EPHA6: variants seen among roughly 807,000 people sequenced by gnomAD.
EPHA6 encodes the protein EPH receptor A6, also known as ephrin type-A receptor 6.
Under a neutral mutation model 112.0 loss-of-function variants are expected in EPHA6, and 50 were observed. That is an observed-to-expected ratio of 0.45 (90% CI 0.36 to 0.56). The LOEUF (loss-of-function observed/expected upper bound fraction) is 0.56, where lower values mean the gene tolerates loss of function less well. Among genes scored for constraint, EPHA6 ranks in the 20% least tolerant of loss-of-function variants. EPHA6 has a pLI of 0.00. For missense variants in EPHA6, 1,280 were observed against 1,417.4 expected, an observed-to-expected ratio of 0.90 and a Z score of 1.56; for synonymous variants, 529 against 490.7, an observed-to-expected ratio of 1.08 and a Z score of -1.03.
rs908570879 is a variant in EPHA6, at chr3:97,610,982, C to T, written c.2574+128C>T. On this transcript the variant is annotated intron_variant, in intron 13 of 17. Transcript: ENST00000389672. ...TCTGTGAAGAATAGCAGTGTTTTCT[C>T]TAGGGTGCATTTCCCTGATACTGTG... 2.0e-5 allele frequency: 15 copies of T among 749,584 alleles called. No homozygotes were observed. The Middle Eastern group carries it at 1.0e-3, about 52-fold the overall frequency. 46.4% of individuals were successfully genotyped at this position (749,584 alleles called of 1,614,324 possible).
At chr3:97,141,856 CAAA>C (rs113458016) in intron 3 of EPHA6, among the ~76,000 whole-genome samples, 3 of 151,798 alleles carry the variant, frequency 2.0e-5, no homozygotes, top group African/African-American at 7.3e-5. Context: ...GAGATTGAGA[CAAA>C]AAACAAGAAA....
At chr3:97,358,696 T>C (rs140057341) in intron 5 of EPHA6, among the ~76,000 whole-genome samples, 23 of 152,244 alleles carry the variant, frequency 1.5e-4, no homozygotes, top group Admixed American at 5.2e-4. Context: ...TAATGTCTTT[T>C]CATTTTACCC....
intron 9 of EPHA6, among the ~76,000 whole-genome samples, chr3:97,481,809 G>C (rs1285567128): frequency 6.6e-6 from 1 of 152,128 alleles, no homozygotes; most frequent in African/African-American, 2.4e-5. Flanking sequence ...TAAACAGATT[G>C]CAGAAACCTG....
At chr3:97,476,909 C>G (rs922714765) in intron 8 of EPHA6, among the ~76,000 whole-genome samples, 1 of 151,356 alleles carries the variant, frequency 6.6e-6, no homozygotes, top group Non-Finnish European at 1.5e-5. Flanking sequence ...ATTTGGGGGT[C>G]TCTAGTTTTG....
intron 3 of EPHA6, among the ~76,000 whole-genome samples, chr3:97,218,560 A>G (rs2078100052): frequency 6.6e-6 from 1 of 152,166 alleles, no homozygotes; most frequent in Admixed American, 6.5e-5. Flanking sequence ...CACTATCATG[A>G]GAATAGCATC....
chr3:97,161,897 A>G (rs1384627455), intron 3 of EPHA6, among the ~76,000 whole-genome samples: 1 of 152,188 alleles, frequency 6.6e-6, no homozygotes, highest in Non-Finnish European at 1.5e-5. Flanking sequence ...TTATTACATG[A>G]GGCTGGAGAG....
At chr3:97,705,401 G>A (rs774029817) in intron 14 of EPHA6, among the ~76,000 whole-genome samples, 2 of 152,082 alleles carry the variant, frequency 1.3e-5, no homozygotes, top group African/African-American at 4.8e-5. Flanking sequence ...ACATTTCATG[G>A]CGCCTCTCAC....
At chr3:97,303,022 A>G (rs1013542136) in intron 5 of EPHA6, among the ~76,000 whole-genome samples, 3 of 152,000 alleles carry the variant, frequency 2.0e-5, no homozygotes, top group Admixed American at 6.6e-5. Flanking sequence ...CACTCAAGTA[A>G]TGAAACCAAG....
intron 4 of EPHA6, among the ~76,000 whole-genome samples, chr3:97,237,336 C>T (rs893138835): frequency 3.9e-5 from 6 of 151,970 alleles, no homozygotes; most frequent in South Asian, 2.1e-4. Context: ...AATGAATCCT[C>T]GTTTCCCCAA....
At position 97,754,126 on chromosome 3, in the gene EPHA6, T is replaced by C. The variant is rs2035966534; in HGVS notation, c.*5425T>C. 6.6e-6 allele frequency among the ~76,000 whole-genome samples: 1 copy of C among 150,888 alleles called. No individual in the cohort carries two copies. The highest frequency in any genetic ancestry group is 2.4e-5 in the African/African-American group (1 of 40,946). ...TTTTTGAGATGGAGTTTCCCTCTTGTTGCCCAGGCTGGAGTGCAATGGTGC... is the reference window on the plus strand; with the variant it reads ...TTTTTGAGATGGAGTTTCCCTCTTGCTGCCCAGGCTGGAGTGCAATGGTGC... On this transcript the variant is annotated 3_prime_UTR_variant, in exon 18 of 18. Transcript: ENST00000389672.
intron 3 of EPHA6, among the ~76,000 whole-genome samples, chr3:97,073,974 A>C (rs914238641): frequency 1.3e-5 from 2 of 151,926 alleles, no homozygotes; most frequent in South Asian, 4.1e-4. Flanking sequence ...TTTTTTTAAT[A>C]TTTTATGAAT....
chr3:96,881,415 C>G (rs1185198396), intron 2 of EPHA6, among the ~76,000 whole-genome samples: 1 of 152,078 alleles, frequency 6.6e-6, no homozygotes, highest in East Asian at 1.9e-4. Flanking sequence ...AAAGCAGAAA[C>G]CACTTAAAAA....
intron 2 of EPHA6, among the ~76,000 whole-genome samples, chr3:96,875,456 G>A (rs745722818): frequency 6.6e-6 from 1 of 152,056 alleles, no homozygotes; most frequent in Admixed American, 6.6e-5. Context: ...AAAAGAAAAT[G>A]TATTGCTGCC....
At chr3:97,073,051 C>T (rs1364353755) in intron 3 of EPHA6, among the ~76,000 whole-genome samples, 1 of 152,132 alleles carries the variant, frequency 6.6e-6, no homozygotes, top group African/African-American at 2.4e-5. Context: ...TGCCCCCTCC[C>T]GCTTCTAGTT....
chr3:97,039,077 C>A (rs1388257520), intron 3 of EPHA6, among the ~76,000 whole-genome samples: 1 of 151,870 alleles, frequency 6.6e-6, no homozygotes, highest in Non-Finnish European at 1.5e-5. Flanking sequence ...AGGAGTTGTA[C>A]CTAACAGCCT....
At chr3:97,209,610 TCC>T (rs2077811338) in intron 3 of EPHA6, among the ~76,000 whole-genome samples, 1 of 152,240 alleles carries the variant, frequency 6.6e-6, no homozygotes, top group South Asian at 2.1e-4. Flanking sequence ...ATGTATGCTT[TCC>T]TTGCTTAGTA....
intron 3 of EPHA6, among the ~76,000 whole-genome samples, chr3:97,040,599 C>G (rs972602232): frequency 6.6e-6 from 1 of 152,032 alleles, no homozygotes; most frequent in Non-Finnish European, 1.5e-5. Flanking sequence ...TTTCAACTCT[C>G]TTTCTCTGAT....
At chr3:97,462,752 A>G (rs2090931335) in intron 7 of EPHA6, among the ~76,000 whole-genome samples, 1 of 152,188 alleles carries the variant, frequency 6.6e-6, no homozygotes, top group South Asian at 2.1e-4. Flanking sequence ...GAACTTGAAT[A>G]AAATCACATT....
intron 3 of EPHA6, among the ~76,000 whole-genome samples, chr3:97,118,245 CTG>C: frequency 6.6e-6 from 1 of 151,760 alleles, no homozygotes; most frequent in East Asian, 1.9e-4. Context: ...GCTATATAAT[CTG>C]TGTGCATGTT....
Sources: gnomAD v4.1 joint callset for allele counts (sites outside exome capture counted in the v4.1 genomes callset) on GRCh38, gnomAD v4.1.1 for gene constraint, MANE v1.5 for transcripts, NCBI Gene and HGNC (gene_info 2026-07-23, HGNC 2026-07-21) for gene names.